Variants in PTPRN2 observed in about 807,000 individuals in gnomAD.
PTPRN2 encodes protein tyrosine phosphatase receptor type N2.
PTPRN2 carries 74 observed loss-of-function variants against 118.8 expected under a neutral mutation model. The ratio of observed to expected loss-of-function variants is 0.62; its 90% CI spans 0.52 to 0.76. PTPRN2 has a LOEUF of 0.76. Ranked by LOEUF, PTPRN2 falls within the 30% of genes least tolerant of loss-of-function variation. The pLI is 0.00. For synonymous variants in PTPRN2, 641 were observed against 608.0 expected, an observed-to-expected ratio of 1.05 and a Z score of -0.80; for missense variants, 1,481 against 1,394.4, an observed-to-expected ratio of 1.06 and a Z score of -0.99.
chr7:158,189,514 G>T (rs1006756877), intron 5 of PTPRN2, among the ~76,000 whole-genome samples: 1 of 152,178 alleles, frequency 6.6e-6, no homozygotes, highest in East Asian at 1.9e-4. Context: ...TCAGTAGCCC[G>T]TGAAGAGGGC....
At chr7:157,750,621 G>A (rs1022056019) in intron 12 of PTPRN2, among the ~76,000 whole-genome samples, 1 of 152,240 alleles carries the variant, frequency 6.6e-6, no homozygotes, top group African/African-American at 2.4e-5. Context: ...GCATTTCTTG[G>A]AGTGTCTCCA....
intron 1 of PTPRN2, among the ~76,000 whole-genome samples, chr7:158,499,157 TATC>T (rs1361112755): frequency 1.3e-5 from 2 of 152,186 alleles, no homozygotes; most frequent in African/African-American, 4.8e-5. Flanking sequence ...ATGTGAGTTA[TATC>T]ATCATTATCA....
chr7:157,675,850 T>G (rs373762143), intron 13 of PTPRN2, among the ~76,000 whole-genome samples: 6 of 151,982 alleles, frequency 3.9e-5, no homozygotes, highest in East Asian at 3.9e-4. Flanking sequence ...AGGGAGGGGC[T>G]GGGCCTCGCA....
chr7:157,968,428 C>T (rs111300063), intron 11 of PTPRN2, among the ~76,000 whole-genome samples: 2,630 of 152,246 alleles, frequency 0.017, 31 homozygotes, highest in Non-Finnish European at 0.027. Flanking sequence ...TCAATCTGTT[C>T]AGGGCATGAT....
intron 14 of PTPRN2, among the ~76,000 whole-genome samples, chr7:157,634,356 T>C (rs536640370): frequency 6.6e-6 from 1 of 152,366 alleles, no homozygotes; most frequent in Non-Finnish European, 1.5e-5. Context: ...TTTTGTTACA[T>C]GGGCAAGACA....
chr7:157,909,389 G>C (rs77414591), intron 11 of PTPRN2, among the ~76,000 whole-genome samples: 10,427 of 152,254 alleles, frequency 0.068, 1,174 homozygotes, highest in African/African-American at 0.23. Flanking sequence ...TATACACTGG[G>C]GGGGGGAGGA....
intron 6 of PTPRN2, among the ~76,000 whole-genome samples, chr7:158,145,987 G>T (rs1010529824): frequency 6.6e-6 from 1 of 152,194 alleles, no homozygotes; most frequent in African/African-American, 2.4e-5. Flanking sequence ...CCAGCATACT[G>T]TAAGTGCTTA....
At chr7:157,783,162 C>A (rs1317184078) in intron 12 of PTPRN2, among the ~76,000 whole-genome samples, 3 of 152,188 alleles carry the variant, frequency 2.0e-5, no homozygotes, top group Non-Finnish European at 4.4e-5. Context: ...TGTAAGTTTC[C>A]TGAGGCCTCC....
intron 2 of PTPRN2, among the ~76,000 whole-genome samples, chr7:158,449,567 A>T (rs1817960211): frequency 6.6e-6 from 1 of 152,158 alleles, no homozygotes; most frequent in African/African-American, 2.4e-5. Flanking sequence ...CAAGACACAT[A>T]GCGCGGGCCG....
chr7:158,413,559 C>G (rs1404009967), intron 2 of PTPRN2, among the ~76,000 whole-genome samples: 1 of 152,218 alleles, frequency 6.6e-6, no homozygotes, highest in Non-Finnish European at 1.5e-5. Flanking sequence ...CGACTCCCCT[C>G]CCAGAAGATG....
In PTPRN2 at chr7:158,470,585, C is replaced by T. The variant is rs576646202; in HGVS notation, c.163+19150G>A. Among the ~76,000 whole-genome samples, 24 of 152,306 alleles carry T rather than the reference C, an allele frequency of 1.6e-4. 1 individual carries two copies. The South Asian group carries it at 4.6e-3, about 29-fold the overall frequency. On this transcript the variant is annotated intron_variant, in intron 2 of 22. Coordinates refer to ENST00000389418, the MANE Select transcript of PTPRN2 (RefSeq NM_002847.5). ...GGGTGGGGGTAGGAAGGTAGCGTTG[C>T]GTCACCCCGACCGGCTGCTCAGTCA...
chr7:157,947,518 C>T (rs369483406), intron 11 of PTPRN2, among the ~76,000 whole-genome samples: 7 of 152,074 alleles, frequency 4.6e-5, no homozygotes, highest in Admixed American at 3.9e-4. Context: ...ATCTTGTTTT[C>T]AAAAAACTGT....
At chr7:157,935,342 G>C (rs1388030528) in intron 11 of PTPRN2, among the ~76,000 whole-genome samples, 1 of 152,068 alleles carries the variant, frequency 6.6e-6, no homozygotes, top group Non-Finnish European at 1.5e-5. Context: ...ATTTTTCTCT[G>C]TCCTTCAGAT....
At chr7:158,123,019 C>T (rs931144636) in intron 9 of PTPRN2, among the ~76,000 whole-genome samples, 7 of 152,112 alleles carry the variant, frequency 4.6e-5, no homozygotes, top group Non-Finnish European at 7.3e-5. Flanking sequence ...TTCACCAGCC[C>T]GATCTGGGAC....
intron 2 of PTPRN2, among the ~76,000 whole-genome samples, chr7:158,404,191 C>A (rs1426735688): frequency 6.6e-6 from 1 of 152,220 alleles, no homozygotes; most frequent in Admixed American, 6.5e-5. Context: ...ATAAGTGACC[C>A]TTTCACTGGA....
chr7:158,458,007 C>CGTG (rs1818664239), intron 2 of PTPRN2, among the ~76,000 whole-genome samples: 1 of 152,148 alleles, frequency 6.6e-6, no homozygotes, highest in African/African-American at 2.4e-5. Context: ...AGTGAGAAGA[C>CGTG]GTGGTTGAAA....
intron 13 of PTPRN2, among the ~76,000 whole-genome samples, chr7:157,672,318 G>C (rs1029027025): frequency 2.0e-5 from 3 of 152,128 alleles, no homozygotes; most frequent in Non-Finnish European, 2.9e-5. Context: ...CTTCACGTTT[G>C]GGGCTCACTT....
At chr7:157,693,702 G>T (rs1435552997) in intron 12 of PTPRN2, among the ~76,000 whole-genome samples, 1 of 152,048 alleles carries the variant, frequency 6.6e-6, no homozygotes, top group Non-Finnish European at 1.5e-5. Flanking sequence ...CCGGCTCCGG[G>T]CAGAGGCCAG....
chr7:157,594,506 C>T (rs564228176), intron 17 of PTPRN2, among the ~76,000 whole-genome samples: 80 of 152,348 alleles, frequency 5.3e-4, no homozygotes, highest in Middle Eastern at 6.8e-3. Context: ...ATGGGTGACG[C>T]GTCGCTTCCC....
Sources: allele counts gnomAD v4.1 joint callset (sites outside exome capture counted in the v4.1 genomes callset), GRCh38; gene constraint gnomAD v4.1.1; transcripts MANE v1.5; gene names NCBI Gene and HGNC (gene_info 2026-07-23, HGNC 2026-07-21).